Variants in CATSPERD observed in about 807,000 individuals in gnomAD.
CATSPERD encodes the protein cation channel sperm-associated auxiliary subunit delta.
CATSPERD carries 86 observed loss-of-function variants against 98.1 expected under a neutral mutation model. That is an observed-to-expected ratio of 0.88 (90% CI 0.74 to 1.05). CATSPERD has a LOEUF of 1.05. Among genes scored for constraint, CATSPERD ranks in the 50% least tolerant of loss-of-function variants. The pLI, the probability that CATSPERD is intolerant of heterozygous loss-of-function variation, is 0.00. For missense variants in CATSPERD, 995 were observed against 1,005.7 expected, an observed-to-expected ratio of 0.99 and a Z score of 0.14; for synonymous variants, 394 against 390.2, an observed-to-expected ratio of 1.01 and a Z score of -0.12.
At chr19:5,774,604 G>C (rs2056707918) in intron 20 of CATSPERD, among the ~76,000 whole-genome samples, 1 of 152,042 alleles carries the variant, frequency 6.6e-6, no homozygotes, top group Non-Finnish European at 1.5e-5. Context: ...CAAGAGAATC[G>C]CTTGAACCTA....
chr19:5,751,496 T>C, intron 11 of CATSPERD, 151 bp from the exon 12 acceptor site: 1 of 473,758 alleles, frequency 2.1e-6, no homozygotes, highest in South Asian at 4.2e-5. Context: ...ATGGCGCCAC[T>C]GCACTCCAGC....
chr19:5,762,054 A>ATTTT (rs1378491245), intron 15 of CATSPERD, among the ~76,000 whole-genome samples: 4 of 14,882 alleles, frequency 2.7e-4, no homozygotes, highest in Non-Finnish European at 6.4e-4. Flanking sequence ...ATATATATAT[A>ATTTT]TATATTTTTT....
chr19:5,763,365 G>T, intron 16 of CATSPERD, 72 bp downstream of exon 16: 1 of 1,269,398 alleles, frequency 7.9e-7, no homozygotes, highest in Admixed American at 1.7e-5. Context: ...TGGCCCTGAG[G>T]TTGCAATGAG....
At chr19:5,756,186 T>G (rs771897264) in intron 13 of CATSPERD, among the ~76,000 whole-genome samples, 78 of 151,354 alleles carry the variant, frequency 5.2e-4, no homozygotes, top group Non-Finnish European at 9.6e-4. Context: ...GAGGCTGACG[T>G]GGGAGAATCA....
chr19:5,725,273 T>G (rs1272037398), intron 2 of CATSPERD, among the ~76,000 whole-genome samples: 1 of 152,114 alleles, frequency 6.6e-6, no homozygotes, highest in South Asian at 2.1e-4. Flanking sequence ...TGCCTCACCC[T>G]CCCTAGTAGC....
intron 21 of CATSPERD, among the ~76,000 whole-genome samples, chr19:5,777,043 TGAG>T (rs890286500): frequency 4.6e-5 from 7 of 152,280 alleles, no homozygotes; most frequent in African/African-American, 1.7e-4. Context: ...TGACAGGTGC[TGAG>T]GAGATTATAA....
chr19:5,763,375 G>A lies in CATSPERD; in HGVS notation c.1506+82G>A, dbSNP rs2056479999. The A allele has an allele frequency of 5.3e-6, 6 of 1,127,276 alleles. No homozygotes were observed. In the East Asian group the frequency reaches 9.5e-5, roughly 18 times the overall value. The allele number at this position is 1,127,276 out of a possible 1,614,324, so 69.8% of individuals were successfully genotyped here. A position where few individuals can be genotyped will look rare whatever the true frequency, so the allele number is the denominator to read the frequency against. On this transcript the variant is annotated intron_variant, in intron 16 of 21. Transcript: ENST00000381624. ...GAAGCTGGCCCTGAGGTTGCAATGA[G>A]CTGAGATAGTGCCACTGCACTCCAA...
At chr19:5,763,729 C>T (rs1360505008) in intron 16 of CATSPERD, among the ~76,000 whole-genome samples, 1 of 151,544 alleles carries the variant, frequency 6.6e-6, no homozygotes, top group Non-Finnish European at 1.5e-5. Flanking sequence ...GGATGATCTG[C>T]CCGCCTTGGT....
intron 11 of CATSPERD, 120 bp downstream of exon 11, chr19:5,749,303 C>T: frequency 1.8e-6 from 1 of 549,304 alleles, no homozygotes. Flanking sequence ...ACCAGCCTTG[C>T]CAACATGGTG....
At position 5,737,131 on chromosome 19, in the gene CATSPERD, C is replaced by A; in HGVS notation, c.392-7C>A. On this transcript the variant is annotated splice_polypyrimidine_tract_variant and splice_region_variant and intron_variant, in intron 5 of 21. Transcript: ENST00000381624. ...ATAAACATTTCAAAATTATATTTTC[C>A]TTTCAGGTATAAAACACCCTGTTAC... The A allele has an allele frequency of 1.3e-6, 2 of 1,582,048 alleles. No individual in the cohort carries two copies. Among genetic ancestry groups the A allele is most frequent in the Non-Finnish European group, 1.7e-6 (2 of 1,154,490 alleles).
intron 4 of CATSPERD, among the ~76,000 whole-genome samples, chr19:5,731,594 A>C: frequency 2.7e-5 from 1 of 37,112 alleles, no homozygotes; most frequent in Non-Finnish European, 5.7e-5. Context: ...TTTGAGACGG[A>C]GTCTCGCTCT....
Position 5,748,235 on chromosome 19 carries a change from C to T in CATSPERD, c.884C>T (p.Thr295Ile). The change falls in exon 10 of 22, where the codon ACC becomes ATC. Residue 295 changes from threonine to isoleucine, a missense_variant. Thr to Ile is a moderately conservative substitution (Grantham distance 89, BLOSUM62 -1). Coordinates refer to ENST00000381624, the MANE Select transcript of CATSPERD (RefSeq NM_152784.4). Reference sequence around the variant, plus strand: ...TCTTCCATTTTTGAAGCCAAGATCACCATCCACAACATTGCTGTCAGTGCG... The same window carrying T: ...TCTTCCATTTTTGAAGCCAAGATCATCATCCACAACATTGCTGTCAGTGCG... Reference protein sequence around the residue: ...LFSSIFEAKITIHNIAVTENE... With the variant: ...LFSSIFEAKIIIHNIAVTENE... 1 of 1,613,970 alleles carries T rather than the reference C, an allele frequency of 6.2e-7. No individual in the cohort carries two copies. Among genetic ancestry groups the T allele is most frequent in the Non-Finnish European group, 8.5e-7 (1 of 1,179,932 alleles).
At chr19:5,722,050 C>G in intron 1 of CATSPERD, among the ~76,000 whole-genome samples, 1 of 151,992 alleles carries the variant, frequency 6.6e-6, no homozygotes. Context: ...CTCCTAGGCT[C>G]CAGTGATCCT....
intron 18 of CATSPERD, 47 bp from the exon 19 acceptor site, chr19:5,770,897 G>A (rs752421023): frequency 6.4e-7 from 1 of 1,561,262 alleles, no homozygotes; most frequent in Non-Finnish European, 8.7e-7. Flanking sequence ...TGGCAGACTG[G>A]GCAGGAACTC....
intron 18 of CATSPERD, 53 bp downstream of exon 18, chr19:5,768,295 G>C: frequency 7.1e-7 from 1 of 1,415,628 alleles, no homozygotes; most frequent in Non-Finnish European, 9.7e-7. Flanking sequence ...CATTGGGCCT[G>C]CAAAAGCCAA....
In CATSPERD at chr19:5,733,850, T is replaced by A. The variant is rs775585121; in HGVS notation, c.277-6T>A. 4 of 1,596,912 alleles carry A rather than the reference T, an allele frequency of 2.5e-6. No individual in the cohort carries two copies. The highest frequency in any genetic ancestry group is 3.4e-6 in the Non-Finnish European group (4 of 1,166,940). On this transcript the variant is annotated splice_polypyrimidine_tract_variant and splice_region_variant and intron_variant, in intron 4 of 21. Transcript: ENST00000381624. The stretch of plus-strand genomic sequence containing the variant: ...TCATTGATATCATCCATATGATAAC[T>A]TTTAGGTCGGCGTACCAGAAGTGAC...
At chr19:5,723,616 A>G (rs2055544623) in intron 1 of CATSPERD, among the ~76,000 whole-genome samples, 1 of 149,592 alleles carries the variant, frequency 6.7e-6, no homozygotes, top group Non-Finnish European at 1.5e-5. Flanking sequence ...AGGTGCCGCA[A>G]CCACGCCCGG....
In CATSPERD at chr19:5,727,300, C is replaced by T. The variant is rs1460479157; in HGVS notation, c.159C>T (p.Arg53=). The T allele has an allele frequency of 1.9e-6, 3 of 1,613,648 alleles. No homozygotes were observed. Among genetic ancestry groups the T allele is most frequent in the Non-Finnish European group, 2.5e-6 (3 of 1,179,712 alleles). Residue 53 remains arginine, a synonymous_variant, in exon 3 of 22, where the codon CGC becomes CGT. Coordinates refer to ENST00000381624, the MANE Select transcript of CATSPERD (RefSeq NM_152784.4). ...DRLYFHPTTT[R]LIKHPCEKNI... Reference sequence around the variant, plus strand: ...TGTATTTTCATCCTACAACAACACGCTTGATTAAACATCCTTGCGAGAAAA... The same window carrying T: ...TGTATTTTCATCCTACAACAACACGTTTGATTAAACATCCTTGCGAGAAAA...
chr19:5,727,197 A>G (rs1172263356), intron 2 of CATSPERD, 71 bp from the exon 3 acceptor site: 2 of 1,273,654 alleles, frequency 1.6e-6, no homozygotes, highest in Non-Finnish European at 2.2e-6. Flanking sequence ...TCTTGTCTCA[A>G]AAAAAAAAAT....
Sources: gnomAD v4.1 joint callset for allele counts (sites outside exome capture counted in the v4.1 genomes callset) on GRCh38, gnomAD v4.1.1 for gene constraint, MANE v1.5 for transcripts, NCBI Gene and HGNC (gene_info 2026-07-23, HGNC 2026-07-21) for gene names.